Variants in NCOA3 observed in about 807,000 individuals in gnomAD.
The protein encoded by NCOA3 is nuclear receptor coactivator 3, also known as CBP-interacting protein.
Under a neutral mutation model 158.8 loss-of-function variants are expected in NCOA3, and 51 were observed. The ratio of observed to expected loss-of-function variants is 0.32; its 90% confidence interval spans 0.26 to 0.41. The LOEUF (loss-of-function observed/expected upper bound fraction) is 0.41, where lower values mean the gene tolerates loss of function less well. NCOA3 is among the 10% of genes least tolerant of loss of function. NCOA3 has a pLI of 1.00. For missense variants in NCOA3, 1,510 were observed against 1,746.6 expected (o/e 0.86, Z 2.41); for synonymous variants, 537 against 592.4 (o/e 0.91, Z 1.36).
At chr20:47,564,009 A>T (rs1041098387) in intron 1 of NCOA3, among the ~76,000 whole-genome samples, 1 of 152,050 alleles carries the variant, frequency 6.6e-6, no homozygotes. Flanking sequence ...AAACTACACA[A>T]ATTAGCCAGG....
At chr20:47,651,299 G>T in intron 20 of NCOA3, 23 bp downstream of exon 20, 1 of 1,583,710 alleles carries the variant, frequency 6.3e-7, no homozygotes, top group Admixed American at 1.7e-5. Flanking sequence ...ATGAAAATGT[G>T]CCTTCCCCAA....
chr20:47,567,286 T>TC (rs1372522526), intron 1 of NCOA3, among the ~76,000 whole-genome samples: 1 of 151,878 alleles, frequency 6.6e-6, no homozygotes, highest in East Asian at 1.9e-4. Flanking sequence ...GACCTTGTGA[T>TC]CCCCCCGCCT....
At chr20:47,584,232 C>T (rs1273087494) in intron 2 of NCOA3, among the ~76,000 whole-genome samples, 2 of 152,096 alleles carry the variant, frequency 1.3e-5, no homozygotes, top group Non-Finnish European at 2.9e-5. Flanking sequence ...GAGTTTGAAG[C>T]TGCAGTGAGC....
intron 1 of NCOA3, among the ~76,000 whole-genome samples, chr20:47,564,704 A>G (rs1315382446): frequency 1.3e-5 from 2 of 152,150 alleles, no homozygotes; most frequent in Admixed American, 6.5e-5. Flanking sequence ...ATATGCATTT[A>G]AAGTTTTTAA....
At chr20:47,606,634 CAA>C (rs1272723051) in intron 2 of NCOA3, among the ~76,000 whole-genome samples, 1 of 152,194 alleles carries the variant, frequency 6.6e-6, no homozygotes, top group Admixed American at 6.5e-5. Flanking sequence ...AAAATGTGCA[CAA>C]AGACTTCTGC....
intron 1 of NCOA3, among the ~76,000 whole-genome samples, chr20:47,511,550 T>TATATATATATATGTATATACAC: frequency 1.9e-5 from 1 of 52,270 alleles, no homozygotes; most frequent in Non-Finnish European, 4.0e-5. Context: ...TATATATATA[T>TATATATATATATGTATATACAC]ATATATTTCT....
intron 1 of NCOA3, among the ~76,000 whole-genome samples, chr20:47,523,952 C>T (rs1166264254): frequency 6.6e-6 from 1 of 152,194 alleles, no homozygotes; most frequent in Non-Finnish European, 1.5e-5. Flanking sequence ...AAGCATTTAC[C>T]CATAGAAGAA....
intron 2 of NCOA3, among the ~76,000 whole-genome samples, chr20:47,616,436 GC>G (rs2086140721): frequency 6.6e-6 from 1 of 151,692 alleles, no homozygotes; most frequent in African/African-American, 2.4e-5. Context: ...CAGGTGATCC[GC>G]CCACCTCGGC....
At chr20:47,647,443 T>C (rs922242818) in intron 18 of NCOA3, 77 bp downstream of exon 18, 1 of 1,340,156 alleles carries the variant, frequency 7.5e-7, no homozygotes, top group Non-Finnish European at 1.0e-6. Flanking sequence ...TTCTTACCAC[T>C]GGTGCAATCT....
At chr20:47,516,428 G>C (rs1432155181) in intron 1 of NCOA3, among the ~76,000 whole-genome samples, 1 of 152,140 alleles carries the variant, frequency 6.6e-6, no homozygotes, top group Admixed American at 6.5e-5. Flanking sequence ...ACACAGGGAA[G>C]AGAATTTTAT....
chr20:47,593,389 C>T (rs2085685415), intron 2 of NCOA3, among the ~76,000 whole-genome samples: 1 of 121,630 alleles, frequency 8.2e-6, no homozygotes, highest in African/African-American at 3.3e-5. Flanking sequence ...GTTGCCCAGG[C>T]TGGAGTGCAG....
Position 47,623,905 on chromosome 20 carries a change from C to T in NCOA3, c.84-6C>T, listed in dbSNP as rs1168926209. 3.1e-6 allele frequency: 5 copies of T among 1,607,256 alleles called. No homozygotes were observed. The highest frequency in any genetic ancestry group is 4.2e-6 in the Non-Finnish European group (5 of 1,178,418). ...CTTTCCCCCCTTTCTACGCCTTTTC[C>T]CTTAGTCTTACCTGCAGTGGTGAAA... On this transcript the variant is annotated splice_region_variant and splice_polypyrimidine_tract_variant and intron_variant, in intron 3 of 22. Coordinates refer to ENST00000371998, the MANE Select transcript of NCOA3 (RefSeq NM_181659.3).
At chr20:47,534,537 G>A (rs1396450083) in intron 1 of NCOA3, among the ~76,000 whole-genome samples, 2 of 152,098 alleles carry the variant, frequency 1.3e-5, no homozygotes, top group African/African-American at 4.8e-5. Flanking sequence ...TCTATTTATT[G>A]TATGTTTTTC....
chr20:47,652,644 A>AT (rs1298045988), intron 21 of NCOA3, 64 bp downstream of exon 21: 38 of 1,483,418 alleles, frequency 2.6e-5, no homozygotes, highest in Middle Eastern at 1.9e-4. Flanking sequence ...AACTTAATGT[A>AT]TTTTTCAGTC....
chr20:47,543,963 C>T (rs1226011740), intron 1 of NCOA3, among the ~76,000 whole-genome samples: 1 of 151,638 alleles, frequency 6.6e-6, no homozygotes, highest in African/African-American at 2.4e-5. Context: ...TTTTTTTTCT[C>T]AAAGTTTAAA....
intron 21 of NCOA3, 124 bp downstream of exon 21, chr20:47,652,704 T>C: frequency 9.6e-7 from 1 of 1,043,426 alleles, no homozygotes; most frequent in South Asian, 1.6e-5. Context: ...TATTAGAAGG[T>C]GTGATTTGGC....
chr20:47,635,342 C>G lies in NCOA3; in HGVS notation c.1133C>G (p.Pro378Arg), dbSNP rs776712773. Residue 378 changes from proline (P) to arginine (R), a missense_variant, in exon 11 of 23, where the codon CCA becomes CGA. Pro to Arg is a moderately radical substitution (Grantham distance 103). Transcript: ENST00000371998. ...FLQREQNGYR[P>R]NPNPVGQGIR... Reference sequence around the variant, plus strand: ...TGCAGAGAACAGAATGGATATAGACCAAACCCAAATCCTGTTGGACAAGGG... The same window carrying G: ...TGCAGAGAACAGAATGGATATAGACGAAACCCAAATCCTGTTGGACAAGGG... 29 of 1,602,990 alleles carry G rather than the reference C, an allele frequency of 1.8e-5. No homozygotes were observed. The highest frequency in any genetic ancestry group is 2.4e-5 in the Non-Finnish European group (28 of 1,171,148).
intron 1 of NCOA3, among the ~76,000 whole-genome samples, chr20:47,511,813 A>G (rs752897744): frequency 7.9e-5 from 12 of 151,892 alleles, no homozygotes; most frequent in Non-Finnish European, 7.4e-5. Flanking sequence ...CCAAAATAAA[A>G]TAAGTGGGAA....
chr20:47,648,451 T>TTG (rs1159013760), intron 18 of NCOA3, among the ~76,000 whole-genome samples: 12 of 151,912 alleles, frequency 7.9e-5, no homozygotes, highest in Non-Finnish European at 1.6e-4. Context: ...TGAGTTTCTA[T>TTG]TGTGTGTGTG....
Sources: allele counts gnomAD v4.1 joint callset (sites outside exome capture counted in the v4.1 genomes callset), GRCh38; gene constraint gnomAD v4.1.1; transcripts MANE v1.5; gene names NCBI Gene and HGNC (gene_info 2026-07-23, HGNC 2026-07-21).